Variants in TBC1D8 observed in about 807,000 individuals in gnomAD.
TBC1D8 encodes the protein BUB2-like protein 1.
Under a neutral mutation model 118.8 loss-of-function variants are expected in TBC1D8, and 65 were observed. That is an observed-to-expected ratio of 0.55 (90% CI 0.45 to 0.67). The LOEUF (loss-of-function observed/expected upper bound fraction) is 0.67. Ranked by LOEUF, TBC1D8 falls within the 30% of genes least tolerant of loss-of-function variation. The pLI is 0.00. For synonymous variants in TBC1D8, 566 were observed against 595.8 expected, an observed-to-expected ratio of 0.95 and a Z score of 0.73; for missense variants, 1,376 against 1,471.2, an observed-to-expected ratio of 0.94 and a Z score of 1.06.
intron 2 of TBC1D8, among the ~76,000 whole-genome samples, chr2:101,072,570 T>C (rs1030543586): frequency 4.6e-5 from 7 of 152,026 alleles, no homozygotes; most frequent in Non-Finnish European, 7.4e-5. Context: ...TGGGGGATGG[T>C]TTTGGGATGA....
At chr2:101,043,280 C>T (rs1002283247) in intron 5 of TBC1D8, among the ~76,000 whole-genome samples, 2 of 152,184 alleles carry the variant, frequency 1.3e-5, no homozygotes, top group East Asian at 1.9e-4. Context: ...GTTCATACAC[C>T]GCAAGAATGG....
chr2:101,096,935 G>A lies in TBC1D8; in HGVS notation c.128-6571C>T, dbSNP rs76576860. ...AATCATTTGAAGCGATAATGGTCAG[G>A]GATTTTCCAAAATTAATGACAGACA... is the stretch of plus-strand genomic sequence containing the variant. On this transcript the variant is annotated intron_variant, in intron 1 of 19. Transcript: ENST00000409318. Among the ~76,000 whole-genome samples the A allele has an allele frequency of 2.8e-3, 424 of 151,950 alleles. 1 individual carries two copies. The highest frequency in any genetic ancestry group is 5.3e-3 in the Non-Finnish European group (363 of 67,996).
rs1251650962 is a variant in TBC1D8 at position 101,069,895 on chromosome 2, A to G, written c.284-10356T>C. 3.4e-5 allele frequency among the ~76,000 whole-genome samples: 5 copies of G among 148,910 alleles called. No individual in the cohort carries two copies. In the South Asian group the frequency reaches 8.4e-4, roughly 25 times the overall value. On this transcript the variant is annotated intron_variant, in intron 2 of 19. Coordinates refer to ENST00000409318, the MANE Select transcript of TBC1D8 (RefSeq NM_001330348.2). ...TTGGACACAAGGAACTAAATACAAC[A>G]TTTATATACAGAGCATGTTTACTTT...
rs1207524729 is a variant in TBC1D8, at chr2:101,054,734, G to GT, written c.403-399dup. Among the ~76,000 whole-genome samples the GT allele has an allele frequency of 6.2e-5, 8 of 128,572 alleles. No individual in the cohort carries two copies. In the East Asian group the frequency reaches 2.1e-3, roughly 34 times the overall value. 84.3% of individuals were successfully genotyped at this position (128,572 alleles called of 152,430 possible). A position where few individuals can be genotyped will look rare whatever the true frequency, so the allele number is the denominator to read the frequency against. On this transcript the variant is annotated intron_variant, in intron 3 of 19. Transcript: ENST00000409318. ...TTTTGTTCTTGTTGCCCAGGCTGGA[G>GT]TGCAGTGGCACGATCTCAACTCACC...
Position 101,054,314 on chromosome 2 carries a change from C to A in TBC1D8, c.425G>T (p.Ser142Ile). The change falls in exon 4 of 20, where the codon AGC becomes ATC. Residue 142 changes from serine (S) to isoleucine (I), a missense_variant. Ser to Ile is a moderately radical substitution (Grantham distance 142, BLOSUM62 -2). Coordinates refer to ENST00000409318, the MANE Select transcript of TBC1D8 (RefSeq NM_001330348.2). ...KVKALIAEET[S>I]SRLAEQEEEP... ...CTCCTCCTGCTCGGCGAGCCTGCTG[C>A]TGGTCTCCTCGGCTATCAGAGCCTG... The A allele has an allele frequency of 6.4e-7, 1 of 1,567,946 alleles. No individual in the cohort carries two copies. The highest frequency in any genetic ancestry group is 2.4e-5 in the East Asian group (1 of 42,310).
intron 2 of TBC1D8, among the ~76,000 whole-genome samples, chr2:101,067,986 G>A (rs911358175): frequency 2.0e-5 from 3 of 152,162 alleles, no homozygotes; most frequent in African/African-American, 7.2e-5. Flanking sequence ...GCCCTCTCAA[G>A]AAGCCACTTT....
chr2:101,039,005 G>A (rs1192682065), intron 6 of TBC1D8, among the ~76,000 whole-genome samples: 2 of 152,232 alleles, frequency 1.3e-5, no homozygotes, highest in East Asian at 3.8e-4. Context: ...CTCATATGAG[G>A]TACCTGGAGG....
chr2:101,045,060 T>C (rs751453269), intron 5 of TBC1D8, among the ~76,000 whole-genome samples: 10 of 152,076 alleles, frequency 6.6e-5, no homozygotes, highest in Non-Finnish European at 1.5e-4. Context: ...ACACATGCCA[T>C]TGATGAGACT....
At chr2:101,137,794 T>C (rs939446661) in intron 1 of TBC1D8, among the ~76,000 whole-genome samples, 2 of 152,118 alleles carry the variant, frequency 1.3e-5, no homozygotes, top group African/African-American at 4.8e-5. Flanking sequence ...ACCAGTAACA[T>C]TACATTTTTA....
chr2:101,017,803 T>C, intron 17 of TBC1D8: 1 of 1,541,394 alleles, frequency 6.5e-7, no homozygotes, highest in African/African-American at 1.4e-5. Context: ...GACTTTTTAA[T>C]ATTAGTTTTC....
intron 17 of TBC1D8, among the ~76,000 whole-genome samples, chr2:101,016,952 C>T (rs1679693515): frequency 6.6e-6 from 1 of 151,892 alleles, no homozygotes; most frequent in South Asian, 2.1e-4. Context: ...GGAGGGATAG[C>T]ATTAGGAGAT....
intron 12 of TBC1D8, chr2:101,028,646 G>A (rs1268552530): frequency 3.7e-6 from 2 of 534,930 alleles, no homozygotes; most frequent in Non-Finnish European, 6.3e-6. Context: ...TTCCAGGCCT[G>A]AAACTCTCCA....
intron 2 of TBC1D8, among the ~76,000 whole-genome samples, chr2:101,084,975 A>G (rs1187373708): frequency 6.6e-6 from 1 of 151,014 alleles, no homozygotes; most frequent in East Asian, 2.0e-4. Context: ...CAGCCACCTG[A>G]GCAGCTGGGA....
At chr2:101,060,881 A>T (rs1457127227) in intron 2 of TBC1D8, among the ~76,000 whole-genome samples, 1 of 152,106 alleles carries the variant, frequency 6.6e-6, no homozygotes, top group African/African-American at 2.4e-5. Flanking sequence ...AGAGCCACAC[A>T]CCACTTACTC....
At chr2:101,090,842 T>TA (rs1675988210) in intron 1 of TBC1D8, among the ~76,000 whole-genome samples, 1 of 152,214 alleles carries the variant, frequency 6.6e-6, no homozygotes, top group Non-Finnish European at 1.5e-5. Context: ...TTAAATGAGT[T>TA]AAAGTATCCA....
rs768677857 is a variant in TBC1D8, at chr2:101,054,251, T to A, written c.488A>T (p.Glu163Val). ...CGCCTCGGGGAAGTTGAACCTGGCC[T>A]CGAACTTCACCAGGGCTTCTCGGAA... ...EKFREALVKFEARFNFPEAEK... is the reference protein window; with the variant it reads ...EKFREALVKFVARFNFPEAEK... Residue 163 changes from glutamate to valine, a missense_variant, in exon 4 of 20, where the codon GAG (glutamate) becomes GTG (valine). Transcript: ENST00000409318. 2.5e-6 allele frequency: 4 copies of A among 1,604,212 alleles called. No homozygotes were observed. The East Asian group carries it at 6.7e-5, about 27-fold the overall frequency.
intron 1 of TBC1D8, among the ~76,000 whole-genome samples, chr2:101,102,359 C>G (rs898281159): frequency 6.6e-6 from 1 of 151,846 alleles, no homozygotes; most frequent in African/African-American, 2.4e-5. Context: ...GAGGCTGAGG[C>G]AGGAGAATTG....
chr2:101,113,925 C>T (rs1329571321), intron 1 of TBC1D8, among the ~76,000 whole-genome samples: 3 of 152,288 alleles, frequency 2.0e-5, no homozygotes, highest in Admixed American at 2.0e-4. Flanking sequence ...ATCAGGCTCA[C>T]CAAGCTACAT....
chr2:101,131,591 G>T (rs1678593281), intron 1 of TBC1D8, among the ~76,000 whole-genome samples: 2 of 152,044 alleles, frequency 1.3e-5, no homozygotes, highest in Non-Finnish European at 2.9e-5. Flanking sequence ...GAGGCAGTTG[G>T]ATCACGAGGT....
Sources: allele counts gnomAD v4.1 joint callset (sites outside exome capture counted in the v4.1 genomes callset), GRCh38; gene constraint gnomAD v4.1.1; transcripts MANE v1.5; gene names NCBI Gene and HGNC (gene_info 2026-07-23, HGNC 2026-07-21).